Variants in GRAP2 observed in about 807,000 individuals in gnomAD.
The protein encoded by GRAP2 is GRB2-related adapter protein 2.
GRAP2 carries 31 observed loss-of-function variants against 43.5 expected under a neutral mutation model. The observed-to-expected ratio is 0.71, with a 90% CI of 0.54 to 0.96. GRAP2 has a LOEUF of 0.96. Ranked by LOEUF, GRAP2 falls within the 40% of genes least tolerant of loss-of-function variation. GRAP2 has a pLI of 0.00. For synonymous variants in GRAP2, 156 were observed against 164.8 expected (o/e 0.95, Z 0.41); for missense variants, 371 against 424.4 (o/e 0.87, Z 1.11).
At chr22:39,965,897 C>A in intron 4 of GRAP2, 93 bp from the exon 5 acceptor site, 1 of 1,063,068 alleles carries the variant, frequency 9.4e-7, no homozygotes, top group South Asian at 1.3e-5. Flanking sequence ...ATCTCCTGCT[C>A]AAAGAGAACT....
chr22:39,951,250 AC>A (rs1415087397), intron 2 of GRAP2, among the ~76,000 whole-genome samples: 1 of 152,198 alleles, frequency 6.6e-6, no homozygotes, highest in African/African-American at 2.4e-5. Flanking sequence ...TATTCATGCC[AC>A]AAACCACCAT....
intron 1 of GRAP2, among the ~76,000 whole-genome samples, chr22:39,938,910 A>AT (rs1206842638): frequency 6.6e-6 from 1 of 152,194 alleles, no homozygotes; most frequent in Non-Finnish European, 1.5e-5. Flanking sequence ...CTGATGAATT[A>AT]TAATTCTCGG....
intron 2 of GRAP2, among the ~76,000 whole-genome samples, chr22:39,949,905 G>C (rs1215744012): frequency 6.6e-6 from 1 of 152,108 alleles, no homozygotes; most frequent in Non-Finnish European, 1.5e-5. Context: ...ACTAGTCCCA[G>C]AGGGATCTTT....
chr22:39,907,437 T>C (rs1353457912), intron 1 of GRAP2, among the ~76,000 whole-genome samples: 1 of 152,228 alleles, frequency 6.6e-6, no homozygotes, highest in African/African-American at 2.4e-5. Flanking sequence ...TCTAGAGTTA[T>C]TGTACACTGA....
intron 1 of GRAP2, among the ~76,000 whole-genome samples, chr22:39,930,442 T>A (rs1019940644): frequency 6.6e-6 from 1 of 152,202 alleles, no homozygotes; most frequent in East Asian, 1.9e-4. Flanking sequence ...AGTTCTTATT[T>A]TGAGATTCTT....
intron 4 of GRAP2, among the ~76,000 whole-genome samples, chr22:39,963,245 T>G (rs2145671678): frequency 6.6e-6 from 1 of 152,284 alleles, no homozygotes; most frequent in Non-Finnish European, 1.5e-5. Flanking sequence ...AACACCAGAT[T>G]TTGGAGTCCA....
chr22:39,966,593 A>G (rs1261246642), intron 5 of GRAP2, among the ~76,000 whole-genome samples: 1 of 152,192 alleles, frequency 6.6e-6, no homozygotes, highest in Non-Finnish European at 1.5e-5. Flanking sequence ...AGACAGGGAC[A>G]TTAGGGAACA....
intron 1 of GRAP2, among the ~76,000 whole-genome samples, chr22:39,942,838 T>C (rs1367674478): frequency 3.3e-5 from 5 of 152,164 alleles, no homozygotes; most frequent in Non-Finnish European, 7.3e-5. Flanking sequence ...TCCTGACAAA[T>C]ATGTGACAAG....
At chr22:39,914,246 C>T (rs533187424) in intron 1 of GRAP2, among the ~76,000 whole-genome samples, 1 of 152,288 alleles carries the variant, frequency 6.6e-6, no homozygotes, top group East Asian at 1.9e-4. Flanking sequence ...TCTCTCCTCT[C>T]TCTCCAAGGA....
chr22:39,927,648 A>AATCG (rs2066718010), intron 1 of GRAP2, among the ~76,000 whole-genome samples: 1 of 152,142 alleles, frequency 6.6e-6, no homozygotes, highest in African/African-American at 2.4e-5. Context: ...ATCCAGGCCC[A>AATCG]ATCGATCTAA....
intron 2 of GRAP2, among the ~76,000 whole-genome samples, chr22:39,951,850 G>A (rs539515966): frequency 9.6e-4 from 146 of 152,136 alleles, no homozygotes; most frequent in African/African-American, 3.4e-3. Context: ...TAAAGAGCCT[G>A]CAAATTCACC....
chr22:39,958,404 A>G (rs374181552), intron 3 of GRAP2, among the ~76,000 whole-genome samples: 1 of 151,990 alleles, frequency 6.6e-6, no homozygotes, highest in Admixed American at 6.5e-5. Context: ...TCAGATCTTA[A>G]TTATTTTGTT....
rs1287220693 is a variant in GRAP2 at position 39,901,285 on chromosome 22, C to T, written c.-60C>T. The T allele has an allele frequency of 3.1e-6, 4 of 1,282,876 alleles. No homozygotes were observed. The highest frequency in any genetic ancestry group is 4.1e-6 in the Non-Finnish European group (4 of 983,122). 79.5% of individuals were successfully genotyped at this position (1,282,876 alleles called of 1,614,324 possible). A position where few individuals can be genotyped will look rare whatever the true frequency, so the allele number is the denominator to read the frequency against. ...CTTGCCAGAAAGGATTCTAATAACTCGGTGTCAAAGCCAAGACATAAACTC... is the reference window on the plus strand; with the variant it reads ...CTTGCCAGAAAGGATTCTAATAACTTGGTGTCAAAGCCAAGACATAAACTC... On this transcript the variant is annotated 5_prime_UTR_variant, in exon 1 of 8. Transcript: ENST00000344138.
intron 3 of GRAP2, among the ~76,000 whole-genome samples, chr22:39,958,487 A>G (rs1311577465): frequency 6.6e-6 from 1 of 151,978 alleles, no homozygotes; most frequent in Non-Finnish European, 1.5e-5. Flanking sequence ...TCTGCCCACT[A>G]CTGTGTCCCC....
chr22:39,925,449 A>T (rs1215069193), intron 1 of GRAP2, among the ~76,000 whole-genome samples: 1 of 152,094 alleles, frequency 6.6e-6, no homozygotes, highest in Non-Finnish European at 1.5e-5. Flanking sequence ...TTGGACTTGG[A>T]GTGGGCCCAA....
chr22:39,954,249 C>T, intron 2 of GRAP2, among the ~76,000 whole-genome samples: 1 of 152,194 alleles, frequency 6.6e-6, no homozygotes, highest in Non-Finnish European at 1.5e-5. Flanking sequence ...TAAACAATAA[C>T]AAAGACTTGT....
chr22:39,932,915 G>C (rs1329543930), intron 1 of GRAP2, among the ~76,000 whole-genome samples: 1 of 152,042 alleles, frequency 6.6e-6, no homozygotes, highest in Non-Finnish European at 1.5e-5. Flanking sequence ...ACTTGCTAAG[G>C]GTCACTCAGA....
At chr22:39,901,441 A>G (rs1601681510) in intron 1 of GRAP2, 111 bp downstream of exon 1, 2 of 415,700 alleles carry the variant, frequency 4.8e-6, no homozygotes, top group East Asian at 1.5e-4. Context: ...AGTTCTCTAA[A>G]TATTGCTTTT....
At chr22:39,920,502 G>A (rs957988095) in intron 1 of GRAP2, among the ~76,000 whole-genome samples, 2 of 152,142 alleles carry the variant, frequency 1.3e-5, no homozygotes, top group South Asian at 2.1e-4. Context: ...TCCTGCAGCC[G>A]GGGTGCAGCT....
Sources: allele counts gnomAD v4.1 joint callset (sites outside exome capture counted in the v4.1 genomes callset), GRCh38; gene constraint gnomAD v4.1.1; transcripts MANE v1.5; gene names NCBI Gene and HGNC (gene_info 2026-07-23, HGNC 2026-07-21).